GLDC: variants seen among roughly 807,000 people sequenced by gnomAD.
GLDC encodes glycine decarboxylase, also known as glycine dehydrogenase (decarboxylating), mitochondrial.
Under a neutral mutation model 121.3 loss-of-function variants are expected in GLDC, and 104 were observed. The ratio of observed to expected loss-of-function variants is 0.86; its 90% CI spans 0.73 to 1.01. GLDC has a LOEUF of 1.01. Ranked by LOEUF, GLDC falls within the 50% of genes least tolerant of loss-of-function variation. The pLI, the probability that GLDC is intolerant of heterozygous loss-of-function variation, is 0.00. For synonymous variants in GLDC, 546 were observed against 480.6 expected (o/e 1.14, Z -1.78); for missense variants, 1,429 against 1,306.6 (o/e 1.09, Z -1.44).
intron 15 of GLDC, among the ~76,000 whole-genome samples, chr9:6,572,590 C>CA (rs1817988047): frequency 1.3e-5 from 2 of 152,130 alleles, no homozygotes; most frequent in South Asian, 4.1e-4. Context: ...ACATCCTGTG[C>CA]AATACTCCAG....
intron 15 of GLDC, among the ~76,000 whole-genome samples, chr9:6,585,805 C>T (rs746591833): frequency 1.3e-4 from 20 of 152,228 alleles, no homozygotes; most frequent in Non-Finnish European, 2.6e-4. Flanking sequence ...ATACCGATAA[C>T]ATGATTCCTG....
intron 15 of GLDC, among the ~76,000 whole-genome samples, chr9:6,566,103 T>G (rs1332735162): frequency 6.6e-6 from 1 of 152,114 alleles, no homozygotes; most frequent in East Asian, 1.9e-4. Flanking sequence ...ATTAGCCTGG[T>G]GTGATAGCAT....
chr9:6,601,379 C>G lies in GLDC; in HGVS notation c.1155+730G>C, dbSNP rs556334491. Among the ~76,000 whole-genome samples the G allele has an allele frequency of 2.6e-5, 4 of 152,234 alleles. No homozygotes were observed. In the East Asian group the frequency reaches 7.7e-4, roughly 29 times the overall value. The stretch of plus-strand genomic sequence containing the variant: ...GCCCAACGCCAAGAATACTAGAGAC[C>G]CTGATATCCATCTTTCTATTTACAT... On this transcript the variant is annotated intron_variant, in intron 8 of 24. Transcript: ENST00000321612.
At chr9:6,615,881 T>C (rs942090569) in intron 3 of GLDC, among the ~76,000 whole-genome samples, 1 of 152,132 alleles carries the variant, frequency 6.6e-6, no homozygotes. Context: ...CCCAAAGTGC[T>C]GGGATACAGG....
chr9:6,626,556 A>G (rs1009602558), intron 2 of GLDC, among the ~76,000 whole-genome samples: 21 of 152,098 alleles, frequency 1.4e-4, no homozygotes, highest in Admixed American at 4.6e-4. Context: ...TTCTTCATTT[A>G]TACTAATTGG....
At chr9:6,598,489 C>G (rs1038039924) in intron 8 of GLDC, among the ~76,000 whole-genome samples, 2 of 152,188 alleles carry the variant, frequency 1.3e-5, no homozygotes, top group African/African-American at 4.8e-5. Flanking sequence ...TGGACTCCCC[C>G]ACCCACCCCA....
At chr9:6,624,507 G>C (rs981758244) in intron 2 of GLDC, among the ~76,000 whole-genome samples, 1 of 152,164 alleles carries the variant, frequency 6.6e-6, no homozygotes, top group Admixed American at 6.5e-5. Flanking sequence ...TTCCAGAAAT[G>C]AGCCAACCCT....
At chr9:6,581,673 A>C (rs1465224007) in intron 15 of GLDC, among the ~76,000 whole-genome samples, 1 of 152,234 alleles carries the variant, frequency 6.6e-6, no homozygotes, top group African/African-American at 2.4e-5. Context: ...TAGATCATGA[A>C]TAGTAGGAAT....
At chr9:6,636,071 G>A (rs1819495671) in intron 2 of GLDC, among the ~76,000 whole-genome samples, 1 of 152,048 alleles carries the variant, frequency 6.6e-6, no homozygotes, top group Non-Finnish European at 1.5e-5. Flanking sequence ...GGGAGGCCAA[G>A]GTGGGTAGAT....
chr9:6,561,049 C>G (rs1251448323), intron 16 of GLDC, among the ~76,000 whole-genome samples: 1 of 152,204 alleles, frequency 6.6e-6, no homozygotes, highest in African/African-American at 2.4e-5. Context: ...TCCCCTGTCT[C>G]CCCCAGAAGG....
intron 15 of GLDC, among the ~76,000 whole-genome samples, chr9:6,581,118 C>A (rs75725887): frequency 6.6e-6 from 1 of 152,150 alleles, no homozygotes. Flanking sequence ...GGGGTTAAGG[C>A]CCCCGGGGTG....
Position 6,588,673 on chromosome 9 carries a change from T to C in GLDC, c.1610A>G (p.Tyr537Cys), listed in dbSNP as rs1190799364. 1 of 1,613,416 alleles carries C rather than the reference T, an allele frequency of 6.2e-7. No individual in the cohort carries two copies. Among genetic ancestry groups the C allele is most frequent in the Non-Finnish European group, 8.5e-7 (1 of 1,179,374 alleles). ...GTCTTTATTTTCCAGTTTCTTCATG[T>C]ACCGGACAATGTTTGTTTCAGAGTG... ...SYHSETNIVRYMKKLENKDIS... is the reference protein window; with the variant it reads ...SYHSETNIVRCMKKLENKDIS... Residue 537 changes from tyrosine (Y) to cysteine (C), a missense_variant, in exon 13 of 25, where the codon TAC becomes TGC. Coordinates refer to ENST00000321612, the MANE Select transcript of GLDC (RefSeq NM_000170.3).
At position 6,550,794 on chromosome 9, in the gene GLDC, G is replaced by C. The variant is rs1410571088; in HGVS notation, c.2569+9C>G. ...ACCAAAGTAATGATAGATTAAAGTT[G>C]ATACTTGCCTCTTGCACCCCTGAAA... On this transcript the variant is annotated intron_variant, in intron 21 of 24. Coordinates refer to ENST00000321612, the MANE Select transcript of GLDC (RefSeq NM_000170.3). 1.3e-5 allele frequency: 21 copies of C among 1,563,308 alleles called. No individual in the cohort carries two copies. The highest frequency in any genetic ancestry group is 1.9e-5 in the Non-Finnish European group (21 of 1,133,854).
intron 2 of GLDC, among the ~76,000 whole-genome samples, chr9:6,624,715 G>A (rs28449309): frequency 1.2e-4 from 19 of 152,082 alleles, no homozygotes; most frequent in African/African-American, 4.1e-4. Flanking sequence ...GGTGGGGCAC[G>A]GTGGCTTACA....
chr9:6,623,511 C>T (rs958370736), intron 2 of GLDC, among the ~76,000 whole-genome samples: 3 of 150,748 alleles, frequency 2.0e-5, no homozygotes, highest in African/African-American at 7.3e-5. Flanking sequence ...CTAGGAAAAC[C>T]AGAGACCTTT....
At chr9:6,602,897 C>G (rs1013410205) in intron 7 of GLDC, among the ~76,000 whole-genome samples, 2 of 151,486 alleles carry the variant, frequency 1.3e-5, no homozygotes, top group East Asian at 3.9e-4. Flanking sequence ...TGAAAACATT[C>G]AAAAAAATAA....
intron 2 of GLDC, 60 bp from the exon 3 acceptor site, chr9:6,620,379 CA>C (rs1369214832): frequency 7.3e-7 from 1 of 1,365,458 alleles, no homozygotes; most frequent in Non-Finnish European, 1.0e-6. Context: ...GCTCTAATTA[CA>C]GTTTAAATCC....
At chr9:6,573,480 G>T (rs896917759) in intron 15 of GLDC, among the ~76,000 whole-genome samples, 3 of 150,408 alleles carry the variant, frequency 2.0e-5, no homozygotes, top group Non-Finnish European at 3.0e-5. Context: ...ATAAATAAAA[G>T]AATACATTTA....
intron 21 of GLDC, among the ~76,000 whole-genome samples, chr9:6,550,571 G>C (rs1043470940): frequency 6.6e-6 from 1 of 152,182 alleles, no homozygotes; most frequent in African/African-American, 2.4e-5. Flanking sequence ...AAATTGCAGT[G>C]AGACAAGATC....
Sources: gnomAD v4.1 joint callset for allele counts (sites outside exome capture counted in the v4.1 genomes callset) on GRCh38, gnomAD v4.1.1 for gene constraint, MANE v1.5 for transcripts, NCBI Gene and HGNC (gene_info 2026-07-23, HGNC 2026-07-21) for gene names.